RBP2: variants seen among roughly 807,000 people sequenced by gnomAD.
RBP2 encodes the protein retinol-binding protein 2.
A neutral mutation model predicts 17.0 loss-of-function variants in RBP2; 17 were observed. That is an observed-to-expected ratio of 1.00 (90% CI 0.68 to 1.50). The LOEUF (loss-of-function observed/expected upper bound fraction) is 1.50. Ranked by LOEUF, RBP2 falls within the 40% of genes most tolerant of loss-of-function variation. RBP2 has a pLI of 0.00. For synonymous variants in RBP2, 48 were observed against 57.1 expected (o/e 0.84, Z 0.72); for missense variants, 158 against 168.2 (o/e 0.94, Z 0.33).
intron 1 of RBP2, among the ~76,000 whole-genome samples, chr3:139,463,286 A>C (rs1322394752): frequency 6.6e-6 from 1 of 151,986 alleles, no homozygotes. Flanking sequence ...TCCCAGGTTC[A>C]TGCCATTCTC....
At chr3:139,470,206 C>T (rs1207143489) in intron 1 of RBP2, among the ~76,000 whole-genome samples, 1 of 152,212 alleles carries the variant, frequency 6.6e-6, no homozygotes, top group East Asian at 1.9e-4. Flanking sequence ...CTCACTCCTC[C>T]CGGTGACTTC....
intron 2 of RBP2, among the ~76,000 whole-genome samples, chr3:139,459,998 T>C (rs1010367325): frequency 1.3e-5 from 2 of 152,088 alleles, no homozygotes; most frequent in Non-Finnish European, 2.9e-5. Flanking sequence ...AGGAGTGTGT[T>C]AACACGTGGA....
Position 139,462,239 on chromosome 3 carries a change from A to G in RBP2, c.125T>C (p.Val42Ala). 6.2e-7 allele frequency: 1 copy of G among 1,614,100 alleles called. No individual in the cohort carries two copies. ...KIAVRLTQTKVIDQDGDNFKT... is the reference protein window; with the variant it reads ...KIAVRLTQTKAIDQDGDNFKT... ...GAAGTTATCACCATCTTGATCAATA[A>G]CCTTCGTCTGAGTGAGACGTACTGC... Residue 42 changes from valine (V) to alanine (A), a missense_variant, in exon 2 of 4, where the codon GTT (valine) becomes GCT (alanine). Coordinates refer to ENST00000232217, the MANE Select transcript of RBP2 (RefSeq NM_004164.3).
At chr3:139,468,376 A>G (rs1165312258) in intron 1 of RBP2, among the ~76,000 whole-genome samples, 1 of 152,158 alleles carries the variant, frequency 6.6e-6, no homozygotes, top group Non-Finnish European at 1.5e-5. Flanking sequence ...AAAAATACCT[A>G]TTGCTGACAG....
chr3:139,469,715 A>G (rs1438452448), intron 1 of RBP2, among the ~76,000 whole-genome samples: 1 of 151,636 alleles, frequency 6.6e-6, no homozygotes, highest in African/African-American at 2.4e-5. Context: ...CTATCTATCT[A>G]TCTATCTATC....
intron 1 of RBP2, among the ~76,000 whole-genome samples, chr3:139,470,553 TAAGGCTGG>T: frequency 6.6e-6 from 1 of 151,918 alleles, no homozygotes; most frequent in African/African-American, 2.4e-5. Context: ...CTTCCCAGCA[TAAGGCTGG>T]TATCTGCTTT....
Position 139,453,185 on chromosome 3 carries a change from G to A in RBP2, c.355-19C>T, listed in dbSNP as rs548169647. ...TCAGCTCCTGCAACGTCAGAAAGTGGGTGAGGGTCTAACAAGCCAGGCCTT... is the reference window on the plus strand; with the variant it reads ...TCAGCTCCTGCAACGTCAGAAAGTGAGTGAGGGTCTAACAAGCCAGGCCTT... On this transcript the variant is annotated intron_variant, in intron 3 of 3. Transcript: ENST00000232217. 3.7e-6 allele frequency: 6 copies of A among 1,614,042 alleles called. No individual in the cohort carries two copies. Among genetic ancestry groups the A allele is most frequent in the Non-Finnish European group, 5.1e-6 (6 of 1,179,944 alleles).
intron 3 of RBP2, 55 bp downstream of exon 3, chr3:139,454,674 C>T: frequency 6.4e-7 from 1 of 1,558,258 alleles, no homozygotes; most frequent in Non-Finnish European, 8.9e-7. Flanking sequence ...GCTAGGTGAC[C>T]ACAGTAGCGT....
intron 2 of RBP2, among the ~76,000 whole-genome samples, chr3:139,455,704 G>A (rs1055653371): frequency 1.2e-4 from 18 of 152,174 alleles, no homozygotes; most frequent in African/African-American, 4.3e-4. Flanking sequence ...TAATCAGGGG[G>A]TTGCCCAGAT....
chr3:139,464,793 G>A (rs942097042), intron 1 of RBP2, among the ~76,000 whole-genome samples: 2 of 152,224 alleles, frequency 1.3e-5, no homozygotes, highest in African/African-American at 2.4e-5. Flanking sequence ...TACCTTCCAT[G>A]TCTAGGAACC....
In RBP2 at chr3:139,459,400, A is replaced by ATATGTGTGTGTGTGTG. The variant is rs111417242; in HGVS notation, c.252+2711_252+2712insCACACACACACACATA. On this transcript the variant is annotated intron_variant, in intron 2 of 3. Transcript: ENST00000232217. Reference sequence around the variant, plus strand: ...GTGAAACCCTGTTTCTACTATATATATGTGTGTGTGTGTGTGTGTGTGTGT... The same window carrying ATATGTGTGTGTGTGTG: ...GTGAAACCCTGTTTCTACTATATATATATGTGTGTGTGTGTGTGTGTGTGTGTGTGTGTGTGTGTGT... 9.9e-4 allele frequency among the ~76,000 whole-genome samples: 127 copies of ATATGTGTGTGTGTGTG among 128,550 alleles called. 2 individuals are homozygous for ATATGTGTGTGTGTGTG. Among genetic ancestry groups the ATATGTGTGTGTGTGTG allele is most frequent in the South Asian group, 6.4e-3 (24 of 3,740 alleles). The allele number at this position is 128,550 out of a possible 152,430, so 84.3% of individuals were successfully genotyped here.
chr3:139,461,246 G>A (rs918083382), intron 2 of RBP2, among the ~76,000 whole-genome samples: 3 of 152,156 alleles, frequency 2.0e-5, no homozygotes, highest in African/African-American at 7.2e-5. Context: ...TGCTGCCTCT[G>A]CCTTATTTAC....
At chr3:139,462,822 G>T (rs936450503) in intron 1 of RBP2, among the ~76,000 whole-genome samples, 2 of 152,008 alleles carry the variant, frequency 1.3e-5, no homozygotes, top group African/African-American at 2.4e-5. Context: ...TTAGCCCCCA[G>T]TATAGATTTG....
rs1576427965 is a variant in RBP2, at chr3:139,471,011, A to G, written c.73+5376T>C. ...CAAACCTTCCCTGACCACCCATCAC[A>G]CGCCACTCCATTATTCTTTTAATTT... On this transcript the variant is annotated intron_variant, in intron 1 of 3. Coordinates refer to ENST00000232217, the MANE Select transcript of RBP2 (RefSeq NM_004164.3). Among the ~76,000 whole-genome samples, 9 of 152,016 alleles carry G rather than the reference A, an allele frequency of 5.9e-5. 1 individual carries two copies. In the South Asian group the frequency reaches 1.9e-3, roughly 32 times the overall value.
At chr3:139,465,555 G>A (rs1357256738) in intron 1 of RBP2, among the ~76,000 whole-genome samples, 1 of 152,170 alleles carries the variant, frequency 6.6e-6, no homozygotes, top group Non-Finnish European at 1.5e-5. Flanking sequence ...AAGGGCCAGT[G>A]CTGTGCTCCC....
At chr3:139,453,432 A>G (rs1388707141) in intron 3 of RBP2, among the ~76,000 whole-genome samples, 2 of 152,250 alleles carry the variant, frequency 1.3e-5, no homozygotes, top group African/African-American at 4.8e-5. Flanking sequence ...TCCTACTCCC[A>G]TGATTAAAGT....
intron 1 of RBP2, among the ~76,000 whole-genome samples, chr3:139,464,306 A>G (rs977293520): frequency 4.0e-4 from 61 of 152,260 alleles, no homozygotes; most frequent in African/African-American, 1.4e-3. Context: ...CAAAAATACA[A>G]AAATTATTCG....
At chr3:139,469,044 A>G (rs1198502275) in intron 1 of RBP2, among the ~76,000 whole-genome samples, 1 of 152,226 alleles carries the variant, frequency 6.6e-6, no homozygotes, top group Non-Finnish European at 1.5e-5. Flanking sequence ...TGCTTATGAA[A>G]AAAGCTAAAG....
intron 3 of RBP2, among the ~76,000 whole-genome samples, chr3:139,454,482 GCTTCCTAA>G (rs1275879996): frequency 2.0e-5 from 3 of 152,114 alleles, no homozygotes; most frequent in Non-Finnish European, 2.9e-5. Flanking sequence ...TTGGATCTCT[GCTTCCTAA>G]CTCAGCATTT....
Sources: gnomAD v4.1 joint callset for allele counts (sites outside exome capture counted in the v4.1 genomes callset) on GRCh38, gnomAD v4.1.1 for gene constraint, MANE v1.5 for transcripts, NCBI Gene and HGNC (gene_info 2026-07-23, HGNC 2026-07-21) for gene names.